PPP1R9B: variants seen among roughly 807,000 people sequenced by gnomAD.
PPP1R9B encodes the protein neurabin-2.
PPP1R9B carries 17 observed loss-of-function variants against 75.8 expected under a neutral mutation model. The ratio of observed to expected loss-of-function variants is 0.22; its 90% CI spans 0.15 to 0.34. The LOEUF is 0.34. Among genes scored for constraint, PPP1R9B ranks in the 10% least tolerant of loss-of-function variants. The probability of loss-of-function intolerance (pLI) is 1.00; values close to 1 mark genes in which losing one functional copy is unlikely to be tolerated. For synonymous variants in PPP1R9B, 509 were observed against 535.4 expected (o/e 0.95, Z 0.68); for missense variants, 875 against 1,196.0 (o/e 0.73, Z 3.96).
At chr17:50,135,529 G>A (rs758286742) in intron 9 of PPP1R9B, 24 bp downstream of exon 9, 1 of 1,605,560 alleles carries the variant, frequency 6.2e-7, no homozygotes, top group South Asian at 1.1e-5. Flanking sequence ...ACTGGGCCCT[G>A]CCCACAGGGC....
intron 8 of PPP1R9B, 76 bp downstream of exon 8, chr17:50,135,892 A>G: frequency 8.5e-7 from 1 of 1,175,002 alleles, no homozygotes; most frequent in Non-Finnish European, 1.2e-6. Flanking sequence ...ACTCAGCTGG[A>G]GGGATGGGGA....
At chr17:50,145,605 A>T (rs931509871) in intron 1 of PPP1R9B, among the ~76,000 whole-genome samples, 1 of 152,196 alleles carries the variant, frequency 6.6e-6, no homozygotes, top group Non-Finnish European at 1.5e-5. Flanking sequence ...GATAGGACCC[A>T]GAGAGCCAGA....
Position 50,136,216 on chromosome 17 carries a change from G to A in PPP1R9B, c.2074-19C>T. On this transcript the variant is annotated intron_variant, in intron 7 of 9. Transcript: ENST00000612501. ...TCTGCAGCTGAGAGAGAAAGGCACG[G>A]CCCTGGGTTGGTGGGGGCCAGCAGG... 2 of 1,593,770 alleles carry A rather than the reference G, an allele frequency of 1.3e-6. No individual in the cohort carries two copies. The highest frequency in any genetic ancestry group is 1.7e-6 in the Non-Finnish European group (2 of 1,176,566).
rs571636548 is a variant in PPP1R9B at position 50,139,719 on chromosome 17, G to A, written c.1867-138C>T. 126 of 1,012,232 alleles carry A rather than the reference G, an allele frequency of 1.2e-4. No homozygotes were observed. The highest frequency in any genetic ancestry group is 1.7e-4 in the Non-Finnish European group (118 of 700,808). 62.7% of individuals were successfully genotyped at this position (1,012,232 alleles called of 1,614,324 possible). A position where few individuals can be genotyped will look rare whatever the true frequency, so the allele number is the denominator to read the frequency against. On this transcript the variant is annotated intron_variant, in intron 5 of 9. Coordinates refer to ENST00000612501, the MANE Select transcript of PPP1R9B (RefSeq NM_032595.5). The surrounding 1 kb of genome is among the most constrained non-coding windows in gnomAD (Gnocchi z 5.0). ...GTTCATGCCTCCCACTTCAGCCTGA[G>A]GCTGGACCAGAGACACGGTTTATGT... is the stretch of plus-strand genomic sequence containing the variant.
Position 50,139,714 on chromosome 17 carries a change from C to G in PPP1R9B, c.1867-133G>C. ...ATGTGGTTCATGCCTCCCACTTCAG[C>G]CTGAGGCTGGACCAGAGACACGGTT... is the stretch of plus-strand genomic sequence containing the variant. On this transcript the variant is annotated intron_variant, in intron 5 of 9. Coordinates refer to ENST00000612501, the MANE Select transcript of PPP1R9B (RefSeq NM_032595.5). The surrounding 1 kb of genome is among the most constrained non-coding windows in gnomAD (Gnocchi z 5.0). 1 of 1,055,358 alleles carries G rather than the reference C, an allele frequency of 9.5e-7. No individual in the cohort carries two copies. Among genetic ancestry groups the G allele is most frequent in the South Asian group, 1.7e-5 (1 of 60,568 alleles). 65.4% of individuals were successfully genotyped at this position (1,055,358 alleles called of 1,614,324 possible). A position where few individuals can be genotyped will look rare whatever the true frequency, so the allele number is the denominator to read the frequency against.
Position 50,150,235 on chromosome 17 carries a change from C to T in PPP1R9B, c.279G>A (p.Leu93=), listed in dbSNP as rs1036715937. ...TCAGGCTGCTGGCCCGCGGCAGCGA[C>T]AGGCGCACGCCGCGCTCGGACGCCC... ...APRASERGVR[L]SLPRASSLNE... The change falls in exon 1 of 10, where the codon CTG becomes CTA. Residue 93 remains leucine, a synonymous_variant. Transcript: ENST00000612501. The surrounding 1 kb of genome is among the most constrained non-coding windows in gnomAD (Gnocchi z 8.7). 2.1e-6 allele frequency: 3 copies of T among 1,440,422 alleles called. No individual in the cohort carries two copies. Among genetic ancestry groups the T allele is most frequent in the Non-Finnish European group, 2.8e-6 (3 of 1,090,444 alleles). 89.2% of individuals were successfully genotyped at this position (1,440,422 alleles called of 1,614,324 possible). A position where few individuals can be genotyped will look rare whatever the true frequency, so the allele number is the denominator to read the frequency against.
intron 4 of PPP1R9B, among the ~76,000 whole-genome samples, chr17:50,140,926 C>T (rs1912359914): frequency 6.6e-6 from 1 of 152,018 alleles, no homozygotes; most frequent in African/African-American, 2.4e-5. Flanking sequence ...ATGAGGGGAC[C>T]CCAATATGGT....
chr17:50,140,104 C>T lies in PPP1R9B; in HGVS notation c.1855G>A (p.Asp619Asn), dbSNP rs1912333413. ...CAGGGACTCCCTACCTCCTCGTCAT[C>T]CTCCCCATACTGGGCGTATCTCTGC... ...MEQRYAQYGEDDEETGEYATD... is the reference protein window; with the variant it reads ...MEQRYAQYGENDEETGEYATD... The change falls in exon 5 of 10, where the codon GAT becomes AAT. Residue 619 changes from aspartate to asparagine, a missense_variant. This residue lies in a region of PPP1R9B where 218 missense variants were observed against 334.6 expected (regional missense o/e 0.65). Transcript: ENST00000612501. 1 of 1,613,354 alleles carries T rather than the reference C, an allele frequency of 6.2e-7. No homozygotes were observed. The highest frequency in any genetic ancestry group is 1.3e-5 in the African/African-American group (1 of 74,924).
rs1368691189 is a variant in PPP1R9B, at chr17:50,134,867, GGAAGGGCCGA to G, written c.*454_*463del. On this transcript the variant is annotated 3_prime_UTR_variant, in exon 10 of 10. Transcript: ENST00000612501. ...AGACGGCACAATGATGGGGGGAGAG[GGAAGGGCCGA>G]GAAGGTAGAATCTCAAGTCAAGAGG... 1 of 172,574 alleles carries G rather than the reference GGAAGGGCCGA, an allele frequency of 5.8e-6. No individual in the cohort carries two copies. The highest frequency in any genetic ancestry group is 1.3e-5 in the Non-Finnish European group (1 of 79,770). The allele number at this position is 172,574 out of a possible 1,614,324, so 10.7% of individuals were successfully genotyped here. A position where few individuals can be genotyped will look rare whatever the true frequency, so the allele number is the denominator to read the frequency against.
chr17:50,141,930 C>T (rs148834121), intron 3 of PPP1R9B, among the ~76,000 whole-genome samples: 48 of 152,296 alleles, frequency 3.2e-4, no homozygotes, highest in Admixed American at 1.7e-3. Flanking sequence ...CTTGACTGAG[C>T]GGTGTGACAT....
At chr17:50,136,907 C>T (rs1306041713) in intron 7 of PPP1R9B, among the ~76,000 whole-genome samples, 2 of 152,232 alleles carry the variant, frequency 1.3e-5, no homozygotes, top group Admixed American at 1.3e-4. Context: ...CAGGCCCCCG[C>T]AGCTGCACAA....
In PPP1R9B at chr17:50,143,343, C is replaced by T. The variant is rs150652551; in HGVS notation, c.1625+255G>A. 1.0e-3 allele frequency among the ~76,000 whole-genome samples: 152 copies of T among 152,338 alleles called. 1 individual carries two copies. Among genetic ancestry groups the T allele is most frequent in the African/African-American group, 3.3e-3 (139 of 41,570 alleles). The stretch of plus-strand genomic sequence containing the variant: ...CGGGATGCACAACACACGCCTATAG[C>T]CCCCATGGTCACCAGCCCCTCCTGG... On this transcript the variant is annotated intron_variant, in intron 3 of 9. Coordinates refer to ENST00000612501, the MANE Select transcript of PPP1R9B (RefSeq NM_032595.5).
rs2144437435 is a variant in PPP1R9B at position 50,135,072 on chromosome 17, C to G, written c.*259G>C. The G allele has an allele frequency of 3.6e-6, 2 of 554,752 alleles. No homozygotes were observed. Among genetic ancestry groups the G allele is most frequent in the East Asian group, 6.0e-5 (2 of 33,112 alleles). The allele number at this position is 554,752 out of a possible 1,614,324, so 34.4% of individuals were successfully genotyped here. A position where few individuals can be genotyped will look rare whatever the true frequency, so the allele number is the denominator to read the frequency against. On this transcript the variant is annotated 3_prime_UTR_variant, in exon 10 of 10. Transcript: ENST00000612501. The stretch of plus-strand genomic sequence containing the variant: ...CGACCACCAGGCCAGCCCTCGGCAG[C>G]CCTCGGCCTCTGTGCCTCAGCCCCA...
At position 50,135,994 on chromosome 17, in the gene PPP1R9B, C is replaced by T. The variant is rs2144439110; in HGVS notation, c.2277G>A (p.Lys759=). The T allele has an allele frequency of 1.3e-6, 2 of 1,587,548 alleles. No individual in the cohort carries two copies. The highest frequency in any genetic ancestry group is 1.7e-6 in the Non-Finnish European group (2 of 1,166,902). The part of the protein sequence containing the change: ...QALERKYSKA[K]RLIKDYQQKE... ...TCTGCTGGTAGTCCTTGATGAGGCG[C>T]TTGGCCTTGCTGTACTTGCGCTCCA... The change falls in exon 8 of 10, where the codon AAG becomes AAA. Residue 759 remains lysine, a synonymous_variant. Transcript: ENST00000612501.
Position 50,139,125 on chromosome 17 carries a change from T to C in PPP1R9B, c.2073+138A>G, listed in dbSNP as rs1381179092. The C allele has an allele frequency of 2.2e-6, 2 of 921,562 alleles. No individual in the cohort carries two copies. The highest frequency in any genetic ancestry group is 3.6e-5 in the Admixed American group (2 of 54,836). 57.1% of individuals were successfully genotyped at this position (921,562 alleles called of 1,614,324 possible). On this transcript the variant is annotated intron_variant, in intron 7 of 9. Coordinates refer to ENST00000612501, the MANE Select transcript of PPP1R9B (RefSeq NM_032595.5). The surrounding 1 kb of genome is among the most constrained non-coding windows in gnomAD (Gnocchi z 5.0). ...TAAGCTCTTAATATCGTATCTATCATATCATCTTGCTTTAGAGCAGCTTGT... is the reference window on the plus strand; with the variant it reads ...TAAGCTCTTAATATCGTATCTATCACATCATCTTGCTTTAGAGCAGCTTGT...
chr17:50,146,835 G>GGGTCACC (rs1912529766), intron 1 of PPP1R9B, among the ~76,000 whole-genome samples: 1 of 152,218 alleles, frequency 6.6e-6, no homozygotes, highest in Non-Finnish European at 1.5e-5. Context: ...TGGGACAGGT[G>GGGTCACC]GGTGGGTCAC....
Position 50,149,209 on chromosome 17 carries a change from C to T in PPP1R9B, c.1305G>A (p.Pro435=), listed in dbSNP as rs1437154814. Residue 435 remains proline (P), a synonymous_variant, in exon 1 of 10, where the codon CCG becomes CCA. Transcript: ENST00000612501. The surrounding 1 kb of genome is among the most constrained non-coding windows in gnomAD (Gnocchi z 7.2). ...YEPESGCVEI[P]GLSEEEDPAP... ...CTGGGTCCTCCTCCTCCGACAGCCC[C>T]GGGATCTCCACGCACCCCGACTCGG... 3.7e-6 allele frequency: 6 copies of T among 1,605,186 alleles called. No individual in the cohort carries two copies. In the South Asian group the frequency reaches 5.6e-5, roughly 15 times the overall value.
chr17:50,149,791 C>T lies in PPP1R9B; in HGVS notation c.723G>A (p.Ser241=). The part of the protein sequence containing the change: ...PRAAGVPQVN[S]KLVSKRSRVF... ...CCCGGGACCGCTTGCTGACCAGCTT[C>T]GAGTTGACCTGGGGAACCCCTGCGG... Residue 241 remains serine (S), a synonymous_variant, in exon 1 of 10, where the codon TCG becomes TCA. Transcript: ENST00000612501. The surrounding 1 kb of genome is among the most constrained non-coding windows in gnomAD (Gnocchi z 7.2). The T allele has an allele frequency of 7.1e-7, 1 of 1,412,914 alleles. No homozygotes were observed. Among genetic ancestry groups the T allele is most frequent in the African/African-American group, 1.5e-5 (1 of 65,882 alleles). The allele number at this position is 1,412,914 out of a possible 1,614,324, so 87.5% of individuals were successfully genotyped here. A position where few individuals can be genotyped will look rare whatever the true frequency, so the allele number is the denominator to read the frequency against.
At chr17:50,138,557 C>G (rs1443346620) in intron 7 of PPP1R9B, among the ~76,000 whole-genome samples, 1 of 152,088 alleles carries the variant, frequency 6.6e-6, no homozygotes, top group East Asian at 1.9e-4. Flanking sequence ...ATATGTGGGA[C>G]AGCACAAACA....
Sources: allele counts gnomAD v4.1 joint callset (sites outside exome capture counted in the v4.1 genomes callset), GRCh38; gene constraint gnomAD v4.1.1; regional missense constraint gnomAD v4.1.1; non-coding constraint Gnocchi (gnomAD v3.1); transcripts MANE v1.5; gene names NCBI Gene and HGNC (gene_info 2026-07-23, HGNC 2026-07-21).